The following PPFIA1 variants were observed in gnomAD, a reference collection of about 807,000 sequenced individuals.
The protein encoded by PPFIA1 is PPFI scaffold protein A1.
Under a neutral mutation model 149.9 loss-of-function variants are expected in PPFIA1, and 25 were observed. That is an observed-to-expected ratio of 0.17 (90% CI 0.12 to 0.23). The LOEUF (loss-of-function observed/expected upper bound fraction) is 0.23, where lower values mean the gene tolerates loss of function less well. Among genes scored for constraint, PPFIA1 ranks in the 10% least tolerant of loss-of-function variants. The pLI, the probability that PPFIA1 is intolerant of heterozygous loss-of-function variation, is 1.00. For missense variants in PPFIA1, 1,362 were observed against 1,506.5 expected (o/e 0.90, Z 1.59); for synonymous variants, 549 against 552.8 (o/e 0.99, Z 0.10).
chr11:70,293,672 T>G lies in PPFIA1; in HGVS notation c.264+21236T>G, dbSNP rs191100324. 2.0e-3 allele frequency among the ~76,000 whole-genome samples: 303 copies of G among 152,262 alleles called. 2 individuals are homozygous for G. The highest frequency in any genetic ancestry group is 6.9e-3 in the African/African-American group (286 of 41,554). On this transcript the variant is annotated intron_variant, in intron 2 of 27. Transcript: ENST00000253925. ...GTGTTACTTCTCCACATATATAAAC[T>G]GGGTGGACTGGGCCCTGTAGTTTAA...
chr11:70,294,039 C>T (rs2051721488), intron 2 of PPFIA1, among the ~76,000 whole-genome samples: 1 of 150,104 alleles, frequency 6.7e-6, no homozygotes, highest in African/African-American at 2.5e-5. Context: ...TGGGCTCGAG[C>T]AATCCTCCCA....
At chr11:70,364,021 G>A (rs2056796334) in intron 21 of PPFIA1, among the ~76,000 whole-genome samples, 1 of 152,128 alleles carries the variant, frequency 6.6e-6, no homozygotes, top group Non-Finnish European at 1.5e-5. Flanking sequence ...AGCCATGCTT[G>A]GAAAAGGTCC....
chr11:70,351,062 A>G (rs565299376), intron 16 of PPFIA1: 10 of 1,105,970 alleles, frequency 9.0e-6, no homozygotes, highest in Non-Finnish European at 1.2e-5. Flanking sequence ...TTGTATCTCC[A>G]TAATGTATTG....
intron 15 of PPFIA1, chr11:70,345,818 T>G: frequency 4.4e-6 from 1 of 226,018 alleles, no homozygotes; most frequent in Non-Finnish European, 9.3e-6. Context: ...CAGAGTGAGA[T>G]CTGTCTCAAA....
intron 2 of PPFIA1, among the ~76,000 whole-genome samples, chr11:70,276,461 A>C (rs913192945): frequency 2.0e-5 from 3 of 152,186 alleles, no homozygotes. Context: ...ATTTATATTC[A>C]CGAGAAAGAT....
intron 15 of PPFIA1, among the ~76,000 whole-genome samples, chr11:70,347,811 G>A (rs1161688419): frequency 6.6e-6 from 1 of 151,998 alleles, no homozygotes; most frequent in African/African-American, 2.4e-5. Flanking sequence ...AGACCAGCCT[G>A]GCCAACATGG....
chr11:70,286,005 C>G (rs191237806), intron 2 of PPFIA1, among the ~76,000 whole-genome samples: 123 of 152,228 alleles, frequency 8.1e-4, no homozygotes, highest in Non-Finnish European at 1.0e-4. Context: ...GGAGCACTTT[C>G]CACTTTTCGT....
rs554165012 is a variant in PPFIA1, at chr11:70,296,274, C to T, written c.264+23838C>T. On this transcript the variant is annotated intron_variant, in intron 2 of 27. Coordinates refer to ENST00000253925, the MANE Select transcript of PPFIA1 (RefSeq NM_003626.5). ...GCAGAGACGCTCCTCACTTCCTAGA[C>T]GGGGTGGCGGCCGGGCAGAGGCTGC... 2.8e-3 allele frequency among the ~76,000 whole-genome samples: 429 copies of T among 151,806 alleles called. 3 individuals carry two copies. Among genetic ancestry groups the T allele is most frequent in the African/African-American group, 9.8e-3 (404 of 41,400 alleles).
intron 14 of PPFIA1, 95 bp from the exon 15 acceptor site, chr11:70,343,574 C>T: frequency 8.9e-7 from 1 of 1,129,062 alleles, no homozygotes. Flanking sequence ...ATCTTTTGGG[C>T]TTTCATTAAA....
rs749289148 is a variant in PPFIA1 at position 70,333,519 on chromosome 11, C to T, written c.1262C>T (p.Ala421Val). ...GAAGAAAGGTTACGACAGATGGAAG[C>T]ACAGTTGGAGGAGAAGAATCAAGAA... Reference protein sequence around the residue: ...NIEERLRQMEAQLEEKNQELQ... With the variant: ...NIEERLRQMEVQLEEKNQELQ... The change falls in exon 10 of 28, where the codon GCA becomes GTA. Residue 421 changes from alanine (A) to valine (V), a missense_variant. Ala to Val is a moderately conservative substitution (Grantham distance 64, BLOSUM62 0). This residue lies in a region of PPFIA1 where 733 missense variants were observed against 744.1 expected (regional missense o/e 0.99). Coordinates refer to ENST00000253925, the MANE Select transcript of PPFIA1 (RefSeq NM_003626.5). The T allele has an allele frequency of 6.2e-7, 1 of 1,613,134 alleles. No individual in the cohort carries two copies. The highest frequency in any genetic ancestry group is 8.5e-7 in the Non-Finnish European group (1 of 1,179,642).
intron 2 of PPFIA1, among the ~76,000 whole-genome samples, chr11:70,301,885 G>A (rs1378386222): frequency 2.0e-5 from 3 of 152,226 alleles, no homozygotes; most frequent in Non-Finnish European, 4.4e-5. Context: ...CGGGACCACC[G>A]TGCAGTAATG....
rs1306333971 is a variant in PPFIA1, at chr11:70,339,212, T to C, written c.1613T>C (p.Met538Thr). The C allele has an allele frequency of 7.4e-6, 12 of 1,614,176 alleles. No homozygotes were observed. Among genetic ancestry groups the C allele is most frequent in the Admixed American group, 1.7e-5 (1 of 60,028 alleles). Residue 538 changes from methionine to threonine, a missense_variant, in exon 14 of 28, where the codon ATG (methionine) becomes ACG (threonine). By Grantham distance (81) the Met-to-Thr change is moderately conservative. Transcript: ENST00000253925. ...AGTGTCCCAGATTTCAGGTTCCCCA[T>C]GGCAGACGGCCACACAGACTCCTAC... Reference protein sequence around the residue: ...LGSVPDFRFPMADGHTDSYST... With the variant: ...LGSVPDFRFPTADGHTDSYST...
intron 8 of PPFIA1, among the ~76,000 whole-genome samples, chr11:70,331,243 A>G (rs1462770661): frequency 2.0e-5 from 3 of 151,884 alleles, no homozygotes; most frequent in Non-Finnish European, 4.4e-5. Context: ...TCAAAAAAAA[A>G]AAAAAGGCAG....
chr11:70,291,481 C>T (rs1038823023), intron 2 of PPFIA1, among the ~76,000 whole-genome samples: 26 of 152,138 alleles, frequency 1.7e-4, no homozygotes, highest in Admixed American at 1.7e-3. Flanking sequence ...TACTTAGCAG[C>T]CCTGTGGCTC....
Position 70,378,115 on chromosome 11 carries a change from CAG to C in PPFIA1, c.3474_3475del (p.Glu1158AspfsTer58). On this transcript the variant is annotated frameshift_variant, in exon 26 of 28. Transcript: ENST00000253925. LOFTEE classifies it high-confidence loss of function. ...ATTCGTGGCTTAGCTGCTGGGTCAG[CAG>C]AGACTCTCCCTGCAAACTTCCGGGT... The C allele has an allele frequency of 6.2e-7, 1 of 1,614,164 alleles. No individual in the cohort carries two copies. Among genetic ancestry groups the C allele is most frequent in the Non-Finnish European group, 8.5e-7 (1 of 1,180,034 alleles).
rs116321474 is a variant in PPFIA1 at position 70,284,481 on chromosome 11, C to T, written c.264+12045C>T. On this transcript the variant is annotated intron_variant, in intron 2 of 27. Coordinates refer to ENST00000253925, the MANE Select transcript of PPFIA1 (RefSeq NM_003626.5). ...TGTGTGAATATTACCGTTCTAGGCT[C>T]CTGCAGTCAGTGGTAGAGACAGGGT... 6.3e-3 allele frequency among the ~76,000 whole-genome samples: 912 copies of T among 145,524 alleles called. 10 individuals carry two copies. The highest frequency in any genetic ancestry group is 0.023 in the African/African-American group (824 of 35,970).
intron 2 of PPFIA1, among the ~76,000 whole-genome samples, chr11:70,289,704 G>A (rs2051395591): frequency 6.6e-6 from 1 of 152,158 alleles, no homozygotes; most frequent in African/African-American, 2.4e-5. Context: ...AAGTAGCTGG[G>A]ACTACAGGCA....
chr11:70,324,842 T>A lies in PPFIA1; in HGVS notation c.367-5T>A. 2 of 1,559,902 alleles carry A rather than the reference T, an allele frequency of 1.3e-6. No individual in the cohort carries two copies. Among genetic ancestry groups the A allele is most frequent in the Non-Finnish European group, 1.7e-6 (2 of 1,153,736 alleles). Reference sequence around the variant, plus strand: ...ACAAGTCTTTATTTTGGCCTTTTATTTCAGCTGCTGTTAGAGCATTTGGAA... The same window carrying A: ...ACAAGTCTTTATTTTGGCCTTTTATATCAGCTGCTGTTAGAGCATTTGGAA... On this transcript the variant is annotated splice_polypyrimidine_tract_variant and splice_region_variant and intron_variant, in intron 3 of 27. Coordinates refer to ENST00000253925, the MANE Select transcript of PPFIA1 (RefSeq NM_003626.5).
chr11:70,287,246 C>T (rs2051209248), intron 2 of PPFIA1, among the ~76,000 whole-genome samples: 1 of 152,164 alleles, frequency 6.6e-6, no homozygotes, highest in Non-Finnish European at 1.5e-5. Context: ...CCTGTGTCAT[C>T]ACATCCTGGC....
Sources: allele counts gnomAD v4.1 joint callset (sites outside exome capture counted in the v4.1 genomes callset), GRCh38; gene constraint gnomAD v4.1.1; regional missense constraint gnomAD v4.1.1; transcripts MANE v1.5; gene names NCBI Gene and HGNC (gene_info 2026-07-23, HGNC 2026-07-21).